CNTN4: variants seen among roughly 807,000 people sequenced by gnomAD.
The protein encoded by CNTN4 is contactin 4.
Under a neutral mutation model 122.5 loss-of-function variants are expected in CNTN4, and 77 were observed. The observed-to-expected ratio is 0.63, with a 90% CI of 0.52 to 0.76. CNTN4 has a LOEUF of 0.76. Ranked by LOEUF, CNTN4 falls within the 30% of genes least tolerant of loss-of-function variation. The probability of loss-of-function intolerance (pLI) is 0.00; values close to 1 mark genes in which losing one functional copy is unlikely to be tolerated. For synonymous variants in CNTN4, 512 were observed against 447.0 expected (o/e 1.15, Z -1.83); for missense variants, 1,256 against 1,259.1 (o/e 1.00, Z 0.04).
At chr3:2,831,684 A>G (rs999519356) in intron 7 of CNTN4, among the ~76,000 whole-genome samples, 3 of 152,228 alleles carry the variant, frequency 2.0e-5, no homozygotes, top group Non-Finnish European at 4.4e-5. Context: ...AAAACACTCC[A>G]TAGGACTTCA....
At chr3:2,248,558 T>G (rs1211177167) in intron 2 of CNTN4, among the ~76,000 whole-genome samples, 2 of 152,036 alleles carry the variant, frequency 1.3e-5, no homozygotes, top group African/African-American at 4.8e-5. Context: ...CCAAATATTT[T>G]TTAAAGGCCA....
At chr3:2,108,325 C>T (rs112964815) in intron 2 of CNTN4, among the ~76,000 whole-genome samples, 2,199 of 152,238 alleles carry the variant, frequency 0.014, 20 homozygotes, top group Middle Eastern at 0.041. Flanking sequence ...AGAATGGCTC[C>T]GTCACCTGTA....
intron 3 of CNTN4, among the ~76,000 whole-genome samples, chr3:2,493,422 A>G (rs181081052): frequency 8.6e-4 from 130 of 151,440 alleles, no homozygotes; most frequent in Middle Eastern, 3.4e-3. Flanking sequence ...AAGCTGAAGG[A>G]TGTCTTGGAA....
At chr3:2,871,181 A>C (rs1458111523) in intron 8 of CNTN4, among the ~76,000 whole-genome samples, 1 of 152,128 alleles carries the variant, frequency 6.6e-6, no homozygotes, top group East Asian at 1.9e-4. Context: ...GTTTAACCTC[A>C]TTGTACTTAG....
chr3:2,345,696 A>G (rs2150396938), intron 3 of CNTN4, among the ~76,000 whole-genome samples: 1 of 152,306 alleles, frequency 6.6e-6, no homozygotes, highest in African/African-American at 2.4e-5. Context: ...TAGAAAAAAT[A>G]CATATTGTGC....
chr3:2,585,198 G>A lies in CNTN4; in HGVS notation c.55+13640G>A, dbSNP rs1316299360. Among the ~76,000 whole-genome samples the A allele has an allele frequency of 2.6e-5, 4 of 152,266 alleles. No homozygotes were observed. The East Asian group carries it at 5.8e-4, about 22-fold the overall frequency. ...AAAAAGTCAGGAAACAACAGGTGCT[G>A]GAGAGGATGTGGAGAAATAGAAACA... On this transcript the variant is annotated intron_variant, in intron 4 of 24. Transcript: ENST00000418658.
intron 3 of CNTN4, among the ~76,000 whole-genome samples, chr3:2,414,790 A>G (rs2047353175): frequency 6.6e-6 from 1 of 152,182 alleles, no homozygotes; most frequent in South Asian, 2.1e-4. Context: ...TAAAGCCACC[A>G]TTACATTAAT....
chr3:2,601,919 G>C (rs969109450), intron 4 of CNTN4, among the ~76,000 whole-genome samples: 2 of 151,998 alleles, frequency 1.3e-5, no homozygotes, highest in African/African-American at 4.8e-5. Flanking sequence ...TCATCCCTGG[G>C]ATGCAAGGCT....
chr3:2,534,585 G>A (rs530587733), intron 3 of CNTN4, among the ~76,000 whole-genome samples: 4 of 151,948 alleles, frequency 2.6e-5, no homozygotes, highest in African/African-American at 9.7e-5. Context: ...ATGTACTGTT[G>A]GTGTGAACTC....
chr3:2,471,116 T>G, intron 3 of CNTN4, among the ~76,000 whole-genome samples: 1 of 152,268 alleles, frequency 6.6e-6, no homozygotes, highest in Admixed American at 6.5e-5. Context: ...TCAAAGAAAC[T>G]AAAAAAATCA....
chr3:2,403,391 C>T (rs1012818771), intron 3 of CNTN4, among the ~76,000 whole-genome samples: 7 of 152,068 alleles, frequency 4.6e-5, no homozygotes, highest in African/African-American at 1.7e-4. Flanking sequence ...TTTTTTTTGT[C>T]TCACTGTTCT....
chr3:2,723,041 A>C (rs1307409072), intron 4 of CNTN4, among the ~76,000 whole-genome samples: 1 of 152,310 alleles, frequency 6.6e-6, no homozygotes, highest in South Asian at 2.1e-4. Context: ...CAAGACATAA[A>C]TATTGACAAA....
At chr3:2,256,473 G>T (rs1348085401) in intron 2 of CNTN4, among the ~76,000 whole-genome samples, 1 of 152,080 alleles carries the variant, frequency 6.6e-6, no homozygotes, top group Non-Finnish European at 1.5e-5. Context: ...CCAAAACCTG[G>T]CAGAGACACA....
intron 4 of CNTN4, among the ~76,000 whole-genome samples, chr3:2,668,805 G>A (rs995352713): frequency 7.9e-5 from 12 of 152,262 alleles, no homozygotes; most frequent in African/African-American, 2.9e-4. Context: ...AGCATGAAGG[G>A]CTGTTGAATT....
intron 2 of CNTN4, among the ~76,000 whole-genome samples, chr3:2,239,239 G>C (rs1455813171): frequency 6.6e-6 from 1 of 152,150 alleles, no homozygotes; most frequent in Non-Finnish European, 1.5e-5. Context: ...TTACGCAGTT[G>C]CCGATAATCC....
intron 2 of CNTN4, among the ~76,000 whole-genome samples, chr3:2,315,121 A>G (rs2043050007): frequency 6.6e-6 from 1 of 152,110 alleles, no homozygotes; most frequent in Non-Finnish European, 1.5e-5. Flanking sequence ...TGTATAGGAC[A>G]GTTCACAGAA....
intron 6 of CNTN4, among the ~76,000 whole-genome samples, chr3:2,793,027 T>C (rs749159422): frequency 1.3e-5 from 2 of 152,196 alleles, no homozygotes; most frequent in African/African-American, 2.4e-5. Flanking sequence ...GTTTCCATTA[T>C]GGTTGCTGAG....
intron 2 of CNTN4, among the ~76,000 whole-genome samples, chr3:2,223,569 TGACA>T (rs2039146942): frequency 1.3e-5 from 2 of 152,174 alleles, no homozygotes. Flanking sequence ...AGAAAAGAGT[TGACA>T]GAGTAGGCCT....
chr3:3,020,816 C>T (rs1216019885), intron 14 of CNTN4, among the ~76,000 whole-genome samples: 1 of 152,200 alleles, frequency 6.6e-6, no homozygotes, highest in Non-Finnish European at 1.5e-5. Flanking sequence ...TCCTAATTTA[C>T]CTTTCTCGTG....
Sources: allele counts gnomAD v4.1 joint callset (sites outside exome capture counted in the v4.1 genomes callset), GRCh38; gene constraint gnomAD v4.1.1; transcripts MANE v1.5; gene names NCBI Gene and HGNC (gene_info 2026-07-23, HGNC 2026-07-21).